Variants in TRPS1 observed in about 807,000 individuals in gnomAD.
TRPS1 encodes the protein transcriptional repressor GATA binding 1.
A neutral mutation model predicts 101.2 loss-of-function variants in TRPS1; 6 were observed. The observed-to-expected ratio is 0.06, with a 90% confidence interval of 0.03 to 0.12. TRPS1 has a LOEUF of 0.12. TRPS1 is among the 10% of genes least tolerant of loss of function. The probability of loss-of-function intolerance (pLI) is 1.00; values close to 1 mark genes in which losing one functional copy is unlikely to be tolerated. For synonymous variants in TRPS1, 578 were observed against 589.8 expected (o/e 0.98, Z 0.29); for missense variants, 1,363 against 1,567.0 (o/e 0.87, Z 2.20).
intron 5 of TRPS1, among the ~76,000 whole-genome samples, chr8:115,461,228 C>G (rs1303951282): frequency 1.3e-5 from 2 of 151,214 alleles, no homozygotes; most frequent in East Asian, 3.9e-4. Context: ...AGATAGATGA[C>G]AGATGGAAAG....
intron 5 of TRPS1, among the ~76,000 whole-genome samples, chr8:115,533,797 T>C (rs1324503702): frequency 6.6e-6 from 1 of 152,068 alleles, no homozygotes; most frequent in Non-Finnish European, 1.5e-5. Context: ...GAGGGCTTTC[T>C]TCCTGGCTTG....
At chr8:115,632,497 C>T (rs1818669507) in intron 1 of TRPS1, among the ~76,000 whole-genome samples, 1 of 151,800 alleles carries the variant, frequency 6.6e-6, no homozygotes, top group Non-Finnish European at 1.5e-5. Flanking sequence ...CACACGTGCA[C>T]ACACACACAC....
intron 5 of TRPS1, among the ~76,000 whole-genome samples, chr8:115,422,555 C>T (rs957986675): frequency 5.9e-5 from 9 of 152,008 alleles, no homozygotes; most frequent in East Asian, 1.9e-4. Flanking sequence ...TTAGTGGGGT[C>T]GGGTTTCACC....
intron 5 of TRPS1, among the ~76,000 whole-genome samples, chr8:115,526,163 G>T (rs571547261): frequency 4.6e-5 from 7 of 152,206 alleles, no homozygotes; most frequent in African/African-American, 1.4e-4. Context: ...ACAAAAATTA[G>T]TCAGGTGTGG....
intron 3 of TRPS1, among the ~76,000 whole-genome samples, chr8:115,606,362 TTTA>T (rs1212852726): frequency 6.6e-6 from 1 of 152,310 alleles, no homozygotes; most frequent in East Asian, 1.9e-4. Context: ...AACCTCCAAA[TTTA>T]TGTCCAGTAT....
At chr8:115,632,337 A>C (rs1018471189) in intron 1 of TRPS1, among the ~76,000 whole-genome samples, 1 of 152,184 alleles carries the variant, frequency 6.6e-6, no homozygotes, top group South Asian at 2.1e-4. Flanking sequence ...TACATAAAAA[A>C]TAAATAGTTT....
intron 3 of TRPS1, among the ~76,000 whole-genome samples, chr8:115,609,938 GTTTC>G: frequency 6.6e-6 from 1 of 152,146 alleles, no homozygotes; most frequent in Admixed American, 6.5e-5. Context: ...ATTAATCTCA[GTTTC>G]TTTCTTTCCT....
intron 5 of TRPS1, among the ~76,000 whole-genome samples, chr8:115,503,994 T>C (rs769421423): frequency 4.6e-5 from 7 of 152,204 alleles, no homozygotes; most frequent in Non-Finnish European, 7.3e-5. Context: ...GTGTGTTTCA[T>C]TAGATTGCTC....
At position 115,414,985 on chromosome 8, in the gene TRPS1, G is replaced by T. The variant is rs1375416077; in HGVS notation, c.2923C>A (p.Gln975Lys). The change falls in exon 7 of 7, where the codon CAG (glutamine) becomes AAG (lysine). Residue 975 changes from glutamine to lysine, a missense_variant. This residue lies in a region of TRPS1 where 307 missense variants were observed against 392.4 expected (regional missense o/e 0.78). Coordinates refer to ENST00000395715, the MANE Select transcript of TRPS1 (RefSeq NM_014112.5). This position sits in a 1 kb window ranked among gnomAD's most constrained non-coding sequence, Gnocchi z 4.8. ...RLNPEALQAE[Q>K]LNKQQRGSNE... ...CTGCCCCTCTGCTGTTTGTTGAGCT[G>T]CTCAGCCTGAAGTGCCTCTGGGTTA... The T allele has an allele frequency of 6.3e-7, 1 of 1,579,162 alleles. No homozygotes were observed. The highest frequency in any genetic ancestry group is 1.4e-5 in the African/African-American group (1 of 73,218).
chr8:115,415,117 AACATTAAAAAAT>A (rs1812886717), intron 6 of TRPS1, 33 bp from the exon 7 acceptor site: 2 of 1,570,598 alleles, frequency 1.3e-6, no homozygotes, highest in African/African-American at 1.4e-5. Context: ...ATAAAAGGAA[AACATTAAAAAAT>A]ACATTAAAAT....
At position 115,584,218 on chromosome 8, in the gene TRPS1, T is replaced by C. The variant is rs185942028; in HGVS notation, c.2700+2783A>G. ...AGTTTTCCATACTTAATTCTTGATA[T>C]CACTCTGTATAGTATTTTTAAATGA... On this transcript the variant is annotated intron_variant, in intron 5 of 6. Coordinates refer to ENST00000395715, the MANE Select transcript of TRPS1 (RefSeq NM_014112.5). 5.3e-5 allele frequency among the ~76,000 whole-genome samples: 8 copies of C among 152,168 alleles called. No homozygotes were observed. The East Asian group carries it at 1.5e-3, about 29-fold the overall frequency.
At chr8:115,583,408 A>G (rs941155359) in intron 5 of TRPS1, among the ~76,000 whole-genome samples, 2 of 152,106 alleles carry the variant, frequency 1.3e-5, no homozygotes, top group African/African-American at 4.8e-5. Context: ...AGGTAATTTT[A>G]AACATGTTAA....
chr8:115,533,436 G>GTTTTTTATTTTTTTT (rs1816188062), intron 5 of TRPS1, among the ~76,000 whole-genome samples: 1 of 34,986 alleles, frequency 2.9e-5, no homozygotes, highest in Non-Finnish European at 5.3e-5. Flanking sequence ...CATGTAATCT[G>GTTTTTTATTTTTTTT]TTTTTTTTTT....
chr8:115,439,521 C>T (rs1813537486), intron 5 of TRPS1, among the ~76,000 whole-genome samples: 1 of 152,148 alleles, frequency 6.6e-6, no homozygotes, highest in Admixed American at 6.5e-5. Flanking sequence ...AAGTAAATCA[C>T]TGGTAAAACT....
At chr8:115,458,112 T>G (rs73367482) in intron 5 of TRPS1, among the ~76,000 whole-genome samples, 5,552 of 152,228 alleles carry the variant, frequency 0.036, 340 homozygotes, top group African/African-American at 0.12. Context: ...CAATCCTGAC[T>G]TCCAATGACT....
At chr8:115,490,078 T>C (rs1814983588) in intron 5 of TRPS1, among the ~76,000 whole-genome samples, 1 of 152,130 alleles carries the variant, frequency 6.6e-6, no homozygotes, top group Non-Finnish European at 1.5e-5. Context: ...TCCATTTTGT[T>C]TTACAATTGT....
intron 5 of TRPS1, among the ~76,000 whole-genome samples, chr8:115,514,883 C>T (rs1195108484): frequency 2.6e-5 from 4 of 151,638 alleles, no homozygotes. Context: ...TCTACCATCA[C>T]AAGATCTTTA....
chr8:115,584,627 C>CTT (rs77676407), intron 5 of TRPS1, among the ~76,000 whole-genome samples: 5 of 138,316 alleles, frequency 3.6e-5, no homozygotes, highest in Non-Finnish European at 4.8e-5. Flanking sequence ...CAAAATTCTG[C>CTT]TTTTTTTTTT....
chr8:115,500,385 AGT>A lies in TRPS1; in HGVS notation c.2701-81935_2701-81934del, dbSNP rs1216820073. 3.3e-5 allele frequency among the ~76,000 whole-genome samples: 5 copies of A among 152,188 alleles called. No homozygotes were observed. The East Asian group carries it at 7.8e-4, about 24-fold the overall frequency. On this transcript the variant is annotated intron_variant, in intron 5 of 6. Coordinates refer to ENST00000395715, the MANE Select transcript of TRPS1 (RefSeq NM_014112.5). ...ATTCGTATGTCGTTACAAAACAGTCAGTGTAAGATTTTGTCTAGATTTGTCTC... is the reference window on the plus strand; with the variant it reads ...ATTCGTATGTCGTTACAAAACAGTCAGTAAGATTTTGTCTAGATTTGTCTC...
Sources: gnomAD v4.1 joint callset for allele counts (sites outside exome capture counted in the v4.1 genomes callset) on GRCh38, gnomAD v4.1.1 for gene constraint, gnomAD v4.1.1 regional missense constraint, Gnocchi (gnomAD v3.1) non-coding constraint, MANE v1.5 for transcripts, NCBI Gene and HGNC (gene_info 2026-07-23, HGNC 2026-07-21) for gene names.